CFAP206: variants seen among roughly 807,000 people sequenced by gnomAD.
CFAP206 encodes the protein cilia and flagella associated protein 206.
CFAP206 carries 53 observed loss-of-function variants against 65.4 expected under a neutral mutation model. The ratio of observed to expected loss-of-function variants is 0.81; its 90% CI spans 0.65 to 1.02. CFAP206 has a LOEUF of 1.02. Among genes scored for constraint, CFAP206 ranks in the 50% least tolerant of loss-of-function variants. The pLI is 0.00. For missense variants in CFAP206, 663 were observed against 753.2 expected, an observed-to-expected ratio of 0.88 and a Z score of 1.40; for synonymous variants, 250 against 254.4, an observed-to-expected ratio of 0.98 and a Z score of 0.17.
intron 10 of CFAP206, among the ~76,000 whole-genome samples, chr6:87,432,301 T>C (rs1768173374): frequency 1.3e-5 from 2 of 152,180 alleles, no homozygotes; most frequent in Non-Finnish European, 2.9e-5. Flanking sequence ...ATAATGGGAA[T>C]AACAAAATAT....
At chr6:87,435,617 T>A (rs1768251454) in intron 11 of CFAP206, 2 of 152,338 alleles carry the variant, frequency 1.3e-5, no homozygotes, top group Non-Finnish European at 2.9e-5. Context: ...TGCCGTATAT[T>A]CTAATGTTCT....
intron 9 of CFAP206, among the ~76,000 whole-genome samples, chr6:87,429,084 G>A (rs917333822): frequency 6.6e-6 from 1 of 152,150 alleles, no homozygotes; most frequent in Admixed American, 6.6e-5. Context: ...AAATTAGCCG[G>A]GCATGGTGGT....
chr6:87,410,574 C>CT lies in CFAP206; in HGVS notation c.109-5dup, dbSNP rs754997993. On this transcript the variant is annotated splice_polypyrimidine_tract_variant and intron_variant, in intron 2 of 12. Transcript: ENST00000369562. ...TTCCTAGTTAATGGACTCGTTCCTA[C>CT]TTTTTTCTAGGTGAAAGCTGTTGTC... 30 of 1,607,972 alleles carry CT rather than the reference C, an allele frequency of 1.9e-5. No homozygotes were observed. In the African/African-American group the frequency reaches 3.7e-4, roughly 20 times the overall value.
At chr6:87,462,450 C>T (rs1378676255) in intron 12 of CFAP206, among the ~76,000 whole-genome samples, 3 of 152,160 alleles carry the variant, frequency 2.0e-5, no homozygotes, top group Non-Finnish European at 4.4e-5. Context: ...CACTTGAGTT[C>T]ATTAGATTTA....
intron 11 of CFAP206, among the ~76,000 whole-genome samples, chr6:87,449,119 G>A (rs1026065944): frequency 6.6e-6 from 1 of 151,904 alleles, no homozygotes; most frequent in African/African-American, 2.4e-5. Flanking sequence ...CATCAAACTT[G>A]CATTTCCATA....
chr6:87,416,642 C>CTTT (rs529616908), intron 5 of CFAP206, 27 bp from the exon 6 acceptor site: 12 of 1,222,318 alleles, frequency 9.8e-6, no homozygotes, highest in South Asian at 3.1e-5. Flanking sequence ...TTTTGTTTTC[C>CTTT]TTTTTTTTTT....
chr6:87,454,233 T>C (rs1383995515), intron 11 of CFAP206, among the ~76,000 whole-genome samples: 2 of 152,114 alleles, frequency 1.3e-5, no homozygotes, highest in African/African-American at 4.8e-5. Flanking sequence ...TATCCAGACA[T>C]ATAAAACAAA....
At chr6:87,420,194 G>A (rs1469318699) in intron 7 of CFAP206, among the ~76,000 whole-genome samples, 1 of 152,218 alleles carries the variant, frequency 6.6e-6, no homozygotes, top group Non-Finnish European at 1.5e-5. Flanking sequence ...CTACTAAGGG[G>A]ATTTTGTAAT....
chr6:87,443,062 A>T (rs1037625922), intron 11 of CFAP206, among the ~76,000 whole-genome samples: 1 of 152,140 alleles, frequency 6.6e-6, no homozygotes, highest in Non-Finnish European at 1.5e-5. Context: ...CTGGTAATGT[A>T]TGCTGATAAA....
At chr6:87,410,747 C>T (rs1182709729) in intron 3 of CFAP206, 79 bp downstream of exon 3, 1 of 1,117,128 alleles carries the variant, frequency 9.0e-7, no homozygotes, top group Non-Finnish European at 1.4e-6. Flanking sequence ...TCATTATTGC[C>T]TTCAGCTGCA....
At chr6:87,414,692 G>A (rs1392731342) in intron 4 of CFAP206, among the ~76,000 whole-genome samples, 2 of 152,154 alleles carry the variant, frequency 1.3e-5, no homozygotes, top group South Asian at 4.1e-4. Flanking sequence ...CTCTGCACCT[G>A]CTATATAAAA....
chr6:87,446,480 T>C (rs570363766), intron 11 of CFAP206, among the ~76,000 whole-genome samples: 15 of 151,524 alleles, frequency 9.9e-5, no homozygotes, highest in Non-Finnish European at 2.1e-4. Flanking sequence ...CCTTTCCCCA[T>C]TGGTTGTCAA....
intron 11 of CFAP206, chr6:87,445,045 G>T: frequency 1.9e-6 from 1 of 516,758 alleles, no homozygotes; most frequent in South Asian, 1.4e-5. Context: ...AGAGGATTCA[G>T]CTTGAAGGCA....
intron 6 of CFAP206, among the ~76,000 whole-genome samples, chr6:87,417,102 G>T (rs557626846): frequency 1.3e-5 from 2 of 152,284 alleles, no homozygotes; most frequent in South Asian, 4.1e-4. Context: ...TCCCAGTTCA[G>T]CAGGGCTTTG....
At position 87,428,822 on chromosome 6, in the gene CFAP206, T is replaced by G; in HGVS notation, c.1157T>G (p.Met386Arg). 1.9e-6 allele frequency: 3 copies of G among 1,612,946 alleles called. No homozygotes were observed. The highest frequency in any genetic ancestry group is 2.5e-6 in the Non-Finnish European group (3 of 1,178,878). ...KTDVCRMKEH[M>R]EDRVNVADFR... ...GATGTGTGTAGAATGAAAGAACACA[T>G]GGGTAATGAAAATCATCCATTATTT... is the stretch of plus-strand genomic sequence containing the variant. The change falls in exon 9 of 13, where the codon ATG becomes AGG. Residue 386 changes from methionine to arginine, a missense_variant and splice_region_variant. Physicochemically the swap from Met to Arg is moderately conservative, Grantham distance 91. Transcript: ENST00000369562.
Position 87,420,221 on chromosome 6 carries a change from G to A in CFAP206, c.840+1805G>A, listed in dbSNP as rs1767915353. Among the ~76,000 whole-genome samples the A allele has an allele frequency of 2.0e-5, 3 of 152,146 alleles. No individual in the cohort carries two copies. In the South Asian group the frequency reaches 6.2e-4, roughly 32 times the overall value. Reference sequence around the variant, plus strand: ...TTTTGTAATCAATTTATTTTGAAGTGCATGTGAGTCCACAGGAGTAGAACT... The same window carrying A: ...TTTTGTAATCAATTTATTTTGAAGTACATGTGAGTCCACAGGAGTAGAACT... On this transcript the variant is annotated intron_variant, in intron 7 of 12. Coordinates refer to ENST00000369562, the MANE Select transcript of CFAP206 (RefSeq NM_001031743.3).
At chr6:87,444,970 G>A (rs2127954946) in intron 11 of CFAP206, 2 of 526,080 alleles carry the variant, frequency 3.8e-6, no homozygotes, top group Non-Finnish European at 3.8e-6. Flanking sequence ...AATATCAGAT[G>A]GCAGCATTTG....
chr6:87,419,990 T>C (rs902641232), intron 7 of CFAP206, among the ~76,000 whole-genome samples: 1 of 152,144 alleles, frequency 6.6e-6, no homozygotes. Flanking sequence ...GGTAGGAGAA[T>C]TGCTTGAGCC....
chr6:87,429,483 T>G (rs978659509), intron 9 of CFAP206, among the ~76,000 whole-genome samples: 1 of 152,220 alleles, frequency 6.6e-6, no homozygotes, highest in Admixed American at 6.5e-5. Flanking sequence ...GAATGTTATT[T>G]GTTATATATC....
Sources: allele counts gnomAD v4.1 joint callset (sites outside exome capture counted in the v4.1 genomes callset), GRCh38; gene constraint gnomAD v4.1.1; transcripts MANE v1.5; gene names NCBI Gene and HGNC (gene_info 2026-07-23, HGNC 2026-07-21).